ZMAT4: variants seen among roughly 807,000 people sequenced by gnomAD.
The protein encoded by ZMAT4 is zinc finger matrin-type protein 4.
ZMAT4 carries 17 observed loss-of-function variants against 28.7 expected under a neutral mutation model. The ratio of observed to expected loss-of-function variants is 0.59; its 90% CI spans 0.41 to 0.89. ZMAT4 has a LOEUF of 0.89. ZMAT4 is among the 40% of genes least tolerant of loss of function. The probability of loss-of-function intolerance (pLI) is 0.00; values close to 1 mark genes in which losing one functional copy is unlikely to be tolerated. For missense variants in ZMAT4, 240 were observed against 283.8 expected, an observed-to-expected ratio of 0.85 and a Z score of 1.11; for synonymous variants, 117 against 109.2, an observed-to-expected ratio of 1.07 and a Z score of -0.44.
chr8:40,807,443 C>CAAACA (rs1815134828), intron 2 of ZMAT4, among the ~76,000 whole-genome samples: 1 of 152,000 alleles, frequency 6.6e-6, no homozygotes. Flanking sequence ...GACTCTGTCT[C>CAAACA]AAACAAAACA....
At chr8:40,767,547 A>G (rs1015505068) in intron 3 of ZMAT4, 94 bp downstream of exon 3, 5 of 998,952 alleles carry the variant, frequency 5.0e-6, no homozygotes, top group Middle Eastern at 2.2e-4. Context: ...CAGCTTTTCT[A>G]TGAATCTGGA....
intron 3 of ZMAT4, among the ~76,000 whole-genome samples, chr8:40,700,237 T>A (rs1458602933): frequency 6.8e-6 from 1 of 146,120 alleles, no homozygotes; most frequent in Non-Finnish European, 1.5e-5. Flanking sequence ...ATACTCCTAA[T>A]TGTAAGATTA....
intron 3 of ZMAT4, among the ~76,000 whole-genome samples, chr8:40,702,385 T>C (rs1810186911): frequency 6.6e-6 from 1 of 152,220 alleles, no homozygotes. Flanking sequence ...ATCTTTAAAA[T>C]ATGAGTTTCA....
At chr8:40,712,637 A>G (rs1810673925) in intron 3 of ZMAT4, among the ~76,000 whole-genome samples, 1 of 152,222 alleles carries the variant, frequency 6.6e-6, no homozygotes, top group Non-Finnish European at 1.5e-5. Context: ...ACAAACAGAC[A>G]GGCTACATGG....
intron 3 of ZMAT4, among the ~76,000 whole-genome samples, chr8:40,750,674 T>C (rs1056190109): frequency 6.6e-6 from 1 of 152,056 alleles, no homozygotes; most frequent in African/African-American, 2.4e-5. Flanking sequence ...AGGAAAGATA[T>C]ACTGGAGAAT....
At chr8:40,593,671 G>A (rs1277621453) in intron 5 of ZMAT4, among the ~76,000 whole-genome samples, 4 of 152,188 alleles carry the variant, frequency 2.6e-5, no homozygotes, top group African/African-American at 9.6e-5. Context: ...CATTGGTGGT[G>A]ATTTTCCAGA....
intron 1 of ZMAT4, among the ~76,000 whole-genome samples, chr8:40,881,800 G>C (rs1042594929): frequency 6.6e-6 from 1 of 152,044 alleles, no homozygotes; most frequent in African/African-American, 2.4e-5. Context: ...TTTCCATACA[G>C]AGATGGGAAT....
intron 3 of ZMAT4, among the ~76,000 whole-genome samples, chr8:40,739,264 T>C (rs1811900285): frequency 1.3e-5 from 2 of 152,208 alleles, no homozygotes; most frequent in Non-Finnish European, 2.9e-5. Context: ...GAAGAAACCT[T>C]AGCTTCTCAT....
At chr8:40,823,720 C>T (rs941014628) in intron 2 of ZMAT4, among the ~76,000 whole-genome samples, 2 of 91,552 alleles carry the variant, frequency 2.2e-5, no homozygotes, top group Admixed American at 9.5e-5. Context: ...TGTGTGTGTG[C>T]GTGTGTGTTT....
chr8:40,639,542 CAAAGT>C (rs1416636629), intron 5 of ZMAT4, among the ~76,000 whole-genome samples: 6 of 151,856 alleles, frequency 4.0e-5, no homozygotes, highest in Non-Finnish European at 5.9e-5. Context: ...TTCTTGGGGT[CAAAGT>C]AAAGTTGGAT....
intron 5 of ZMAT4, among the ~76,000 whole-genome samples, chr8:40,655,293 T>C (rs1209565149): frequency 6.6e-6 from 1 of 152,034 alleles, no homozygotes; most frequent in African/African-American, 2.4e-5. Context: ...CTATAACATA[T>C]TGTTGAAAGA....
intron 1 of ZMAT4, among the ~76,000 whole-genome samples, chr8:40,862,993 A>G (rs537925592): frequency 1.3e-5 from 2 of 152,010 alleles, no homozygotes; most frequent in South Asian, 4.2e-4. Flanking sequence ...AAAGAAAGAA[A>G]GAAAGAACAG....
intron 1 of ZMAT4, among the ~76,000 whole-genome samples, chr8:40,893,792 T>C (rs1818775825): frequency 6.6e-6 from 1 of 152,162 alleles, no homozygotes; most frequent in African/African-American, 2.4e-5. Flanking sequence ...TAGTACCTGA[T>C]AGGCAGGTTT....
chr8:40,655,818 C>T (rs1057163935), intron 5 of ZMAT4, among the ~76,000 whole-genome samples: 8 of 151,958 alleles, frequency 5.3e-5, no homozygotes, highest in East Asian at 1.9e-4. Flanking sequence ...GAATCAAAGA[C>T]ATAAATGTAA....
At chr8:40,849,347 C>T (rs1817020385) in intron 1 of ZMAT4, among the ~76,000 whole-genome samples, 1 of 152,190 alleles carries the variant, frequency 6.6e-6, no homozygotes, top group Admixed American at 6.5e-5. Context: ...TGAGTCCTTT[C>T]ATTATTTACT....
intron 6 of ZMAT4, among the ~76,000 whole-genome samples, chr8:40,580,634 T>A (rs1804433293): frequency 6.6e-6 from 1 of 152,208 alleles, no homozygotes; most frequent in African/African-American, 2.4e-5. Flanking sequence ...CTTTCTCAGT[T>A]TAAAATTATG....
At chr8:40,582,854 T>C (rs1804537064) in intron 5 of ZMAT4, among the ~76,000 whole-genome samples, 1 of 152,192 alleles carries the variant, frequency 6.6e-6, no homozygotes, top group South Asian at 2.1e-4. Flanking sequence ...GATGTTAACA[T>C]GGAAACACTT....
intron 2 of ZMAT4, among the ~76,000 whole-genome samples, chr8:40,794,923 C>A (rs932814958): frequency 2.6e-5 from 4 of 152,186 alleles, no homozygotes; most frequent in African/African-American, 7.2e-5. Context: ...AATGGAATCT[C>A]ATTTTCCTGA....
intron 2 of ZMAT4, among the ~76,000 whole-genome samples, chr8:40,778,025 T>TATTAAATAG (rs1813677322): frequency 6.6e-6 from 1 of 152,242 alleles, no homozygotes; most frequent in Non-Finnish European, 1.5e-5. Flanking sequence ...GCTGTTGCTC[T>TATTAAATAG]TTAAATACTC....
Sources: allele counts gnomAD v4.1 joint callset (sites outside exome capture counted in the v4.1 genomes callset), GRCh38; gene constraint gnomAD v4.1.1; transcripts MANE v1.5; gene names NCBI Gene and HGNC (gene_info 2026-07-23, HGNC 2026-07-21).